The following CNIH1 variants were observed in gnomAD, a reference collection of about 807,000 sequenced individuals.
CNIH1 encodes the protein protein cornichon homolog 1.
A neutral mutation model predicts 20.2 loss-of-function variants in CNIH1; 12 were observed. That is an observed-to-expected ratio of 0.59 (90% CI 0.38 to 0.96). The LOEUF is 0.96. Among genes scored for constraint, CNIH1 ranks in the 40% least tolerant of loss-of-function variants. The pLI, the probability that CNIH1 is intolerant of heterozygous loss-of-function variation, is 0.00. For synonymous variants in CNIH1, 69 were observed against 63.3 expected (o/e 1.09, Z -0.43); for missense variants, 152 against 178.8 (o/e 0.85, Z 0.85).
rs1441523685 is a variant in CNIH1 at position 54,425,381 on chromosome 14, G to C, written c.*2433C>G. On this transcript the variant is annotated 3_prime_UTR_variant, in exon 5 of 5. Transcript: ENST00000216416. ...ATAATACCAAAAGTAACTGTAATAA[G>C]GAGAAAAAAAAAAAGAGTACCTAAA... The C allele has an allele frequency of 1.5e-5, 2 of 136,694 alleles. No individual in the cohort carries two copies. The allele number at this position is 136,694 out of a possible 1,614,324, so 8.5% of individuals were successfully genotyped here.
At chr14:54,439,895 T>A (rs1425224054) in intron 1 of CNIH1, among the ~76,000 whole-genome samples, 1 of 152,138 alleles carries the variant, frequency 6.6e-6, no homozygotes, top group African/African-American at 2.4e-5. Context: ...GTTGAGCTAG[T>A]CTGTATCCCA....
intron 4 of CNIH1, 87 bp downstream of exon 4, chr14:54,430,174 T>A: frequency 7.4e-7 from 1 of 1,355,866 alleles, no homozygotes; most frequent in South Asian, 1.3e-5. Context: ...ATTCTTCAAA[T>A]GGATTTTGAG....
rs1317814317 is a variant in CNIH1 at position 54,423,939 on chromosome 14, A to G, written c.*3875T>C. The G allele has an allele frequency of 6.6e-6, 1 of 152,200 alleles. No individual in the cohort carries two copies. The highest frequency in any genetic ancestry group is 1.5e-5 in the Non-Finnish European group (1 of 68,032). The allele number at this position is 152,200 out of a possible 1,614,324, so 9.4% of individuals were successfully genotyped here. On this transcript the variant is annotated 3_prime_UTR_variant, in exon 5 of 5. Coordinates refer to ENST00000216416, the MANE Select transcript of CNIH1 (RefSeq NM_005776.3). ...TTCACTCCAACCCCAAAGATCTTAC[A>G]TGGTTAATACTATTTTCCAAAATCA...
intron 2 of CNIH1, among the ~76,000 whole-genome samples, chr14:54,434,014 T>C (rs1245716003): frequency 6.6e-6 from 1 of 152,116 alleles, no homozygotes; most frequent in African/African-American, 2.4e-5. Flanking sequence ...TTATTCAATT[T>C]AGGAACCAAG....
chr14:54,436,900 G>A (rs1052864811), intron 1 of CNIH1: 9 of 344,788 alleles, frequency 2.6e-5, no homozygotes, highest in African/African-American at 4.4e-5. Context: ...TAATGCCATC[G>A]ATATGGCTTT....
In CNIH1 at chr14:54,429,437, G is replaced by A. The variant is rs531885289; in HGVS notation, c.407+824C>T. 3.2e-4 allele frequency among the ~76,000 whole-genome samples: 48 copies of A among 152,288 alleles called. 2 individuals carry two copies. Among genetic ancestry groups the A allele is most frequent in the African/African-American group, 1.1e-3 (47 of 41,552 alleles). On this transcript the variant is annotated intron_variant, in intron 4 of 4. Coordinates refer to ENST00000216416, the MANE Select transcript of CNIH1 (RefSeq NM_005776.3). ...CGAAGCTGAGACACCCTGACCTAGAGGAACAATGAGTCCATGAGAGTATAA... is the reference window on the plus strand; with the variant it reads ...CGAAGCTGAGACACCCTGACCTAGAAGAACAATGAGTCCATGAGAGTATAA...
intron 3 of CNIH1, among the ~76,000 whole-genome samples, chr14:54,430,883 A>G (rs2030928615): frequency 6.6e-6 from 1 of 151,982 alleles, no homozygotes; most frequent in Non-Finnish European, 1.5e-5. Context: ...CCAGGCTGCA[A>G]TATAGTGGTG....
chr14:54,435,800 C>T (rs1301382259), intron 2 of CNIH1, among the ~76,000 whole-genome samples: 1 of 152,224 alleles, frequency 6.6e-6, no homozygotes, highest in Non-Finnish European at 1.5e-5. Context: ...ATCTATTAGT[C>T]ATTTTATGTT....
At position 54,424,356 on chromosome 14, in the gene CNIH1, T is replaced by A. The variant is rs1031535713; in HGVS notation, c.*3458A>T. ...CATCAAAATTTCTGATTTACAATCA[T>A]GATATACAACTGAGAGATGTACATT... On this transcript the variant is annotated 3_prime_UTR_variant, in exon 5 of 5. Coordinates refer to ENST00000216416, the MANE Select transcript of CNIH1 (RefSeq NM_005776.3). 6.6e-6 allele frequency: 1 copy of A among 152,252 alleles called. No homozygotes were observed. The highest frequency in any genetic ancestry group is 2.4e-5 in the African/African-American group (1 of 41,466). The allele number at this position is 152,252 out of a possible 1,614,324, so 9.4% of individuals were successfully genotyped here. A position where few individuals can be genotyped will look rare whatever the true frequency, so the allele number is the denominator to read the frequency against.
Position 54,426,419 on chromosome 14 carries a change from T to C in CNIH1, c.*1395A>G, listed in dbSNP as rs1167727107. On this transcript the variant is annotated 3_prime_UTR_variant, in exon 5 of 5. Coordinates refer to ENST00000216416, the MANE Select transcript of CNIH1 (RefSeq NM_005776.3). ...CAAACGCATCCATAAACTTCCTTGA[T>C]CATGTGAAATTTCTATATATTGGTT... 5 of 152,220 alleles carry C rather than the reference T, an allele frequency of 3.3e-5. No homozygotes were observed. The highest frequency in any genetic ancestry group is 7.4e-5 in the Non-Finnish European group (5 of 68,026). The allele number at this position is 152,220 out of a possible 1,614,324, so 9.4% of individuals were successfully genotyped here. A position where few individuals can be genotyped will look rare whatever the true frequency, so the allele number is the denominator to read the frequency against.
chr14:54,429,310 G>A (rs1297429808), intron 4 of CNIH1, among the ~76,000 whole-genome samples: 1 of 152,202 alleles, frequency 6.6e-6, no homozygotes, highest in East Asian at 1.9e-4. Flanking sequence ...GGGTGCTCAT[G>A]GCAACTAGTG....
chr14:54,431,181 T>G (rs1594616626), intron 3 of CNIH1, among the ~76,000 whole-genome samples: 1 of 151,166 alleles, frequency 6.6e-6, no homozygotes, highest in Admixed American at 6.6e-5. Flanking sequence ...CAGGCTGGAG[T>G]GCAGTGACAC....
At chr14:54,432,528 G>C (rs1227808779) in intron 2 of CNIH1, among the ~76,000 whole-genome samples, 2 of 152,134 alleles carry the variant, frequency 1.3e-5, no homozygotes, top group Non-Finnish European at 2.9e-5. Flanking sequence ...TAAACAATAT[G>C]CTAGTCAACT....
In CNIH1 at chr14:54,432,850, T is replaced by C. The variant is rs922534899; in HGVS notation, c.151-630A>G. Among the ~76,000 whole-genome samples the C allele has an allele frequency of 4.6e-5, 7 of 152,344 alleles. 1 individual carries two copies. Among genetic ancestry groups the C allele is most frequent in the Admixed American group, 6.5e-5 (1 of 15,304 alleles). The stretch of plus-strand genomic sequence containing the variant: ...TTCTGCAATGTAGGAGGGAAAAGAC[T>C]GAGTTCTTAACCATGAAATTAAGAT... On this transcript the variant is annotated intron_variant, in intron 2 of 4. Transcript: ENST00000216416.
intron 2 of CNIH1, among the ~76,000 whole-genome samples, chr14:54,433,921 A>C (rs2030997716): frequency 6.6e-6 from 1 of 152,186 alleles, no homozygotes; most frequent in Non-Finnish European, 1.5e-5. Flanking sequence ...GAGTCCAGAA[A>C]CATTTACTAC....
At chr14:54,439,150 G>A (rs1359321374) in intron 1 of CNIH1, among the ~76,000 whole-genome samples, 1 of 152,122 alleles carries the variant, frequency 6.6e-6, no homozygotes, top group Admixed American at 6.5e-5. Context: ...TACTACCTAA[G>A]ATGATAAACA....
intron 2 of CNIH1, among the ~76,000 whole-genome samples, chr14:54,433,159 G>C (rs781470511): frequency 5.9e-5 from 9 of 152,126 alleles, no homozygotes; most frequent in Non-Finnish European, 1.2e-4. Flanking sequence ...ACCTCTCATT[G>C]CAAGTTTCAG....
At chr14:54,434,184 A>G (rs1398268170) in intron 2 of CNIH1, among the ~76,000 whole-genome samples, 1 of 152,250 alleles carries the variant, frequency 6.6e-6, no homozygotes, top group Non-Finnish European at 1.5e-5. Flanking sequence ...CTGTCAAAAC[A>G]AATTTAAATA....
intron 2 of CNIH1, 49 bp from the exon 3 acceptor site, chr14:54,432,269 A>G (rs2030965045): frequency 2.0e-6 from 2 of 1,003,814 alleles, no homozygotes; most frequent in Non-Finnish European, 2.9e-6. Context: ...GCATTAAGTC[A>G]ACTACTAATC....
Sources: allele counts gnomAD v4.1 joint callset (sites outside exome capture counted in the v4.1 genomes callset), GRCh38; gene constraint gnomAD v4.1.1; transcripts MANE v1.5; gene names NCBI Gene and HGNC (gene_info 2026-07-23, HGNC 2026-07-21).